ZFP28: variants seen among roughly 807,000 people sequenced by gnomAD.
ZFP28 encodes the protein zinc finger protein 28 homolog.
Under a neutral mutation model 39.5 loss-of-function variants are expected in ZFP28, and 31 were observed. The observed-to-expected ratio is 0.79, with a 90% confidence interval of 0.59 to 1.06. The LOEUF is 1.06. Among genes scored for constraint, ZFP28 ranks in the 50% least tolerant of loss-of-function variants. The probability of loss-of-function intolerance (pLI) is 0.00; values close to 1 mark genes in which losing one functional copy is unlikely to be tolerated. For synonymous variants in ZFP28, 400 were observed against 378.6 expected (o/e 1.06, Z -0.66); for missense variants, 925 against 1,048.4 (o/e 0.88, Z 1.63).
intron 5 of ZFP28, 128 bp downstream of exon 5, chr19:56,549,249 C>A: frequency 9.4e-7 from 1 of 1,060,506 alleles, no homozygotes; most frequent in Non-Finnish European, 1.3e-6. Context: ...TTCTTATAGA[C>A]AGATTATCCC....
chr19:56,539,180 A>C lies in ZFP28; in HGVS notation c.162A>C (p.Ala54=). 6.2e-7 allele frequency: 1 copy of C among 1,603,944 alleles called. No individual in the cohort carries two copies. The highest frequency in any genetic ancestry group is 1.1e-5 in the South Asian group (1 of 89,998). ...RGRPRSRNGL[A]SKGQRGAAPT... ...GGCCGCGCTCAAGGAATGGCCTCGC[A>C]TCCAAAGGCCAGCGAGGAGCGGCCC... The change falls in exon 1 of 8, where the codon GCA becomes GCC. Residue 54 remains alanine, a synonymous_variant. Coordinates refer to ENST00000301318, the MANE Select transcript of ZFP28 (RefSeq NM_020828.2).
At position 56,547,231 on chromosome 19, in the gene ZFP28, C is replaced by G. The variant is rs781778886; in HGVS notation, c.301-277C>G. 4 of 386,658 alleles carry G rather than the reference C, an allele frequency of 1.0e-5. No homozygotes were observed. The highest frequency in any genetic ancestry group is 1.4e-5 in the Non-Finnish European group (3 of 214,660). 24.0% of individuals were successfully genotyped at this position (386,658 alleles called of 1,614,324 possible). A position where few individuals can be genotyped will look rare whatever the true frequency, so the allele number is the denominator to read the frequency against. Reference sequence around the variant, plus strand: ...CGGCCGTCTTCTCTCTGTGTCCTCACGTGGTCTTTTCCCTGTGCCTGCACA... The same window carrying G: ...CGGCCGTCTTCTCTCTGTGTCCTCAGGTGGTCTTTTCCCTGTGCCTGCACA... On this transcript the variant is annotated intron_variant, in intron 2 of 7. Transcript: ENST00000301318. This position sits in a 1 kb window ranked among gnomAD's most constrained non-coding sequence, Gnocchi z 4.6.
chr19:56,554,167 C>CA lies in ZFP28; in HGVS notation c.1383dup (p.Ser462IlefsTer16). 1 of 1,614,158 alleles carries CA rather than the reference C, an allele frequency of 6.2e-7. No homozygotes were observed. Among genetic ancestry groups the CA allele is most frequent in the Non-Finnish European group, 8.5e-7 (1 of 1,180,034 alleles). On this transcript the variant is annotated frameshift_variant, in exon 8 of 8. Transcript: ENST00000301318. LOFTEE classifies it low-confidence loss of function (END_TRUNC). This position sits in a 1 kb window ranked among gnomAD's most constrained non-coding sequence, Gnocchi z 6.7. ...TGTGGGAAGGCCTTTAGTGACGGCT[C>CA]ATCCTTTGCCCGACACCAGAGATGT...
intron 2 of ZFP28, 74 bp downstream of exon 2, chr19:56,539,790 G>A: frequency 7.0e-7 from 1 of 1,419,900 alleles, no homozygotes; most frequent in Non-Finnish European, 9.8e-7. Context: ...TTATTTTCTT[G>A]AAAGTTTTCA....
intron 2 of ZFP28, chr19:56,544,762 G>T (rs1181408650): frequency 6.6e-6 from 1 of 152,196 alleles, no homozygotes; most frequent in African/African-American, 2.4e-5. Context: ...CTGAAGTGTT[G>T]TAAGTGCTTT....
intron 2 of ZFP28, among the ~76,000 whole-genome samples, chr19:56,543,380 T>TTA (rs143634480): frequency 0.28 from 40,969 of 146,408 alleles, 6,103 homozygotes; most frequent in East Asian, 0.61. Flanking sequence ...TATATGTATA[T>TTA]TATATATATA....
rs764739296 is a variant in ZFP28 at position 56,547,659 on chromosome 19, A to AC, written c.427+29dup. On this transcript the variant is annotated intron_variant, in intron 3 of 7. Transcript: ENST00000301318. The surrounding 1 kb of genome is among the most constrained non-coding windows in gnomAD (Gnocchi z 4.6). ...GGTAAGGGCTCCCACCCCTTTTCCC[A>AC]CCCCTCACCCTACCCACGTCCTGGA... The AC allele has an allele frequency of 9.0e-6, 14 of 1,557,680 alleles. No homozygotes were observed. Among genetic ancestry groups the AC allele is most frequent in the Non-Finnish European group, 1.1e-5 (13 of 1,138,780 alleles).
In ZFP28 at chr19:56,549,014, G is replaced by A. The variant is rs1257170628; in HGVS notation, c.580G>A (p.Gly194Arg). Reference protein sequence around the residue: ...ELPLKKDFCEGKLSQAVITER... With the variant: ...ELPLKKDFCERKLSQAVITER... ...ACCTCTCAAGAAGGACTTCTGCGAA[G>A]GAAAGCTATCCCAGGCAGTGATAAC... Residue 194 changes from glycine to arginine, a missense_variant, in exon 5 of 8, where the codon GGA (glycine) becomes AGA (arginine). Around this residue, in one of 2 missense-constraint regions of ZFP28, gnomAD observed 556 missense variants for 542.9 expected, o/e 1.02. Coordinates refer to ENST00000301318, the MANE Select transcript of ZFP28 (RefSeq NM_020828.2). 1 of 1,614,116 alleles carries A rather than the reference G, an allele frequency of 6.2e-7. No homozygotes were observed. The highest frequency in any genetic ancestry group is 8.5e-7 in the Non-Finnish European group (1 of 1,180,014).
At chr19:56,538,863 G>T (rs1238633911), upstream of ZFP28, 9 of 409,406 alleles carry the variant, frequency 2.2e-5, no homozygotes, top group East Asian at 6.5e-4. Flanking sequence ...GGCGGGGCGC[G>T]GCCGGGGGCG....
At chr19:56,548,517 T>C (rs573709600) in intron 4 of ZFP28, 9 of 153,306 alleles carry the variant, frequency 5.9e-5, no homozygotes, top group African/African-American at 1.9e-4. Context: ...CTAGATGAAA[T>C]GGACAAGGAG....
intron 4 of ZFP28, among the ~76,000 whole-genome samples, chr19:56,548,717 G>A (rs1288420506): frequency 6.6e-6 from 1 of 152,088 alleles, no homozygotes; most frequent in Non-Finnish European, 1.5e-5. Flanking sequence ...TCAACTTTTA[G>A]GTGGGAAAGG....
intron 2 of ZFP28, among the ~76,000 whole-genome samples, chr19:56,540,395 T>TTGTGTTTGTTTC (rs2044185678): frequency 1.3e-5 from 2 of 152,152 alleles, no homozygotes; most frequent in Admixed American, 6.5e-5. Context: ...TGCCAGTAAA[T>TTGTGTTTGTTTC]AGTTGTGTTT....
intron 2 of ZFP28, among the ~76,000 whole-genome samples, chr19:56,544,327 GA>G (rs2147951126): frequency 6.6e-6 from 1 of 152,232 alleles, no homozygotes; most frequent in African/African-American, 2.4e-5. Flanking sequence ...TTCAGTGGTT[GA>G]AAAAAATCAA....
At chr19:56,538,918 A>T, upstream of ZFP28, 1 of 967,558 alleles carries the variant, frequency 1.0e-6, no homozygotes, top group South Asian at 5.3e-5. Flanking sequence ...GCCATGGGGG[A>T]GCGCGCGCGG....
In ZFP28 at chr19:56,547,728, C is replaced by A. The variant is rs896321869; in HGVS notation, c.428-79C>A. Reference sequence around the variant, plus strand: ...CTTTATCACCCAGACCTGCACTGCCCTCTTGCGTCAAGCCAAGGGGACTGC... The same window carrying A: ...CTTTATCACCCAGACCTGCACTGCCATCTTGCGTCAAGCCAAGGGGACTGC... On this transcript the variant is annotated intron_variant, in intron 3 of 7. Transcript: ENST00000301318. The surrounding 1 kb of genome is among the most constrained non-coding windows in gnomAD (Gnocchi z 4.6). 9.4e-6 allele frequency: 15 copies of A among 1,599,634 alleles called. No homozygotes were observed. Among genetic ancestry groups the A allele is most frequent in the Non-Finnish European group, 1.3e-5 (15 of 1,170,788 alleles).
Position 56,556,726 on chromosome 19 carries a change from AAT to A in ZFP28, c.*1336_*1337del, listed in dbSNP as rs1345165155. The A allele has an allele frequency of 6.6e-6, 1 of 152,208 alleles. No individual in the cohort carries two copies. Among genetic ancestry groups the A allele is most frequent in the Non-Finnish European group, 1.5e-5 (1 of 68,036 alleles). 9.4% of individuals were successfully genotyped at this position (152,208 alleles called of 1,614,324 possible). A position where few individuals can be genotyped will look rare whatever the true frequency, so the allele number is the denominator to read the frequency against. ...CAAATGATAAAGGAACTCATTTATC[AAT>A]AGAGGTGAAAGGAAATTATTAAACT... On this transcript the variant is annotated 3_prime_UTR_variant, in exon 8 of 8. Transcript: ENST00000301318.
chr19:56,546,209 A>G (rs1405639164), intron 2 of ZFP28: 1 of 152,236 alleles, frequency 6.6e-6, no homozygotes, highest in Non-Finnish European at 1.5e-5. Context: ...ATTGTAATTC[A>G]GCTTTTGGGG....
At chr19:56,551,776 T>C in intron 7 of ZFP28, 3 of 984,516 alleles carry the variant, frequency 3.0e-6, no homozygotes, top group Non-Finnish European at 3.6e-6. Context: ...GTAAATTTGG[T>C]TTTTCTCTTA....
chr19:56,555,001 A>G lies in ZFP28; in HGVS notation c.2216A>G (p.Lys739Arg), dbSNP rs2044337941. 1 of 1,614,172 alleles carries G rather than the reference A, an allele frequency of 6.2e-7. No individual in the cohort carries two copies. The highest frequency in any genetic ancestry group is 8.5e-7 in the Non-Finnish European group (1 of 1,180,034). ...YECIECGKAF[K>R]TKSSLICHRR... ...TGTATTGAGTGTGGAAAGGCATTCA[A>G]GACAAAATCCTCCCTTATTTGTCAT... The change falls in exon 8 of 8, where the codon AAG (lysine) becomes AGG (arginine). Residue 739 changes from lysine to arginine, a missense_variant. Around this residue, in one of 2 missense-constraint regions of ZFP28, gnomAD observed 369 missense variants for 505.5 expected, o/e 0.73. Transcript: ENST00000301318.
Sources: allele counts gnomAD v4.1 joint callset (sites outside exome capture counted in the v4.1 genomes callset), GRCh38; gene constraint gnomAD v4.1.1; regional missense constraint gnomAD v4.1.1; non-coding constraint Gnocchi (gnomAD v3.1); transcripts MANE v1.5; gene names NCBI Gene and HGNC (gene_info 2026-07-23, HGNC 2026-07-21).